Variants in C11orf54 observed in about 807,000 individuals in gnomAD.
The protein encoded by C11orf54 is beta-keto-L-gulonate decarboxylase.
In C11orf54, 29 loss-of-function variants were observed where a neutral mutation model predicts 35.5. The ratio of observed to expected loss-of-function variants is 0.82; its 90% CI spans 0.61 to 1.11. The LOEUF (loss-of-function observed/expected upper bound fraction) is 1.11, where lower values mean the gene tolerates loss of function less well. C11orf54 is among the 50% of genes most tolerant of loss of function. The probability of loss-of-function intolerance (pLI) is 0.00; values close to 1 mark genes in which losing one functional copy is unlikely to be tolerated. For missense variants in C11orf54, 373 were observed against 369.2 expected (o/e 1.01, Z -0.08); for synonymous variants, 108 against 121.1 (o/e 0.89, Z 0.71).
chr11:93,757,891 C>T (rs551989463), intron 7 of C11orf54, among the ~76,000 whole-genome samples: 71 of 152,198 alleles, frequency 4.7e-4, no homozygotes, highest in African/African-American at 1.6e-3. Flanking sequence ...TAAACAAATC[C>T]TTTTTATTAT....
intron 1 of C11orf54, 31 bp from the exon 2 acceptor site, chr11:93,747,260 CTGTTTA>C (rs1258150222): frequency 3.8e-6 from 2 of 523,754 alleles, no homozygotes; most frequent in Non-Finnish European, 6.4e-6. Context: ...CCCTTTTGTT[CTGTTTA>C]TATGTTTGAA....
rs1943549562 is a variant in C11orf54, at chr11:93,763,227, T to C, written c.*1539T>C. On this transcript the variant is annotated 3_prime_UTR_variant, in exon 9 of 9. Transcript: ENST00000354421. ...TGTTCACGACTGTAGCACTAGTGCC[T>C]TTAACTGCTAGCAAAGTAGCCACTC... The C allele has an allele frequency of 6.6e-6, 1 of 152,214 alleles. No homozygotes were observed. The highest frequency in any genetic ancestry group is 1.5e-5 in the Non-Finnish European group (1 of 68,030). 9.4% of individuals were successfully genotyped at this position (152,214 alleles called of 1,614,324 possible).
In C11orf54 at chr11:93,763,819, A is replaced by T. The variant is rs894714603; in HGVS notation, c.*2131A>T. 2.6e-5 allele frequency: 4 copies of T among 152,198 alleles called. No homozygotes were observed. Among genetic ancestry groups the T allele is most frequent in the African/African-American group, 9.7e-5 (4 of 41,432 alleles). The allele number at this position is 152,198 out of a possible 1,614,324, so 9.4% of individuals were successfully genotyped here. The stretch of plus-strand genomic sequence containing the variant: ...ACCAACAGAGTATGAAAGGGTTGTT[A>T]CTCACATAATGAAGCTTTCTGGGGA... On this transcript the variant is annotated 3_prime_UTR_variant, in exon 9 of 9. Coordinates refer to ENST00000354421, the MANE Select transcript of C11orf54 (RefSeq NM_001286069.2).
intron 1 of C11orf54, among the ~76,000 whole-genome samples, chr11:93,742,411 G>A (rs906264564): frequency 6.6e-6 from 1 of 151,958 alleles, no homozygotes; most frequent in Non-Finnish European, 1.5e-5. Flanking sequence ...AGTCTCCCCA[G>A]TAGCTGAGAT....
At chr11:93,742,356 T>C (rs906631001) in intron 1 of C11orf54, among the ~76,000 whole-genome samples, 9 of 151,792 alleles carry the variant, frequency 5.9e-5, no homozygotes, top group Non-Finnish European at 1.0e-4. Context: ...CGATCTTGGC[T>C]CACCGCAACA....
At position 93,763,329 on chromosome 11, in the gene C11orf54, T is replaced by G. The variant is rs896695536; in HGVS notation, c.*1641T>G. On this transcript the variant is annotated 3_prime_UTR_variant, in exon 9 of 9. Coordinates refer to ENST00000354421, the MANE Select transcript of C11orf54 (RefSeq NM_001286069.2). ...AGACAAACAATAAATATATAATATG[T>G]CAGGTGGTATTAAATGCTATGAAAA... The G allele has an allele frequency of 6.6e-6, 1 of 152,162 alleles. No individual in the cohort carries two copies. The highest frequency in any genetic ancestry group is 6.5e-5 in the Admixed American group (1 of 15,276). The allele number at this position is 152,162 out of a possible 1,614,324, so 9.4% of individuals were successfully genotyped here.
At chr11:93,755,717 C>T (rs1943101983) in intron 6 of C11orf54, among the ~76,000 whole-genome samples, 1 of 150,470 alleles carries the variant, frequency 6.6e-6, no homozygotes, top group South Asian at 2.1e-4. Flanking sequence ...CATGCTACTA[C>T]CCTCCAGTCT....
intron 2 of C11orf54, among the ~76,000 whole-genome samples, 173 bp from the exon 3 acceptor site, chr11:93,750,173 A>G (rs1262799272): frequency 6.6e-6 from 1 of 152,206 alleles, no homozygotes; most frequent in East Asian, 1.9e-4. Flanking sequence ...TCTACGTTGT[A>G]TCTTGTGATT....
chr11:93,754,176 T>C, intron 5 of C11orf54, 139 bp downstream of exon 5: 3 of 710,228 alleles, frequency 4.2e-6, no homozygotes, highest in Non-Finnish European at 7.2e-6. Flanking sequence ...TGTAGATTTC[T>C]GCTATAGCAC....
Position 93,761,793 on chromosome 11 carries a change from G to A in C11orf54, c.*105G>A. On this transcript the variant is annotated 3_prime_UTR_variant, in exon 9 of 9. Coordinates refer to ENST00000354421, the MANE Select transcript of C11orf54 (RefSeq NM_001286069.2). Reference sequence around the variant, plus strand: ...CCAATAGAAATGATCCCACAGGCCAGGCACAATGGCTCATGCCTATAATCC... The same window carrying A: ...CCAATAGAAATGATCCCACAGGCCAAGCACAATGGCTCATGCCTATAATCC... 1 of 1,122,004 alleles carries A rather than the reference G, an allele frequency of 8.9e-7. No homozygotes were observed. Among genetic ancestry groups the A allele is most frequent in the Non-Finnish European group, 1.2e-6 (1 of 831,456 alleles). The allele number at this position is 1,122,004 out of a possible 1,614,324, so 69.5% of individuals were successfully genotyped here.
In C11orf54 at chr11:93,761,828, G is replaced by C. The variant is rs1017010663; in HGVS notation, c.*140G>C. 1.4e-5 allele frequency: 11 copies of C among 776,404 alleles called. No individual in the cohort carries two copies. In the African/African-American group the frequency reaches 1.8e-4, roughly 13 times the overall value. 48.1% of individuals were successfully genotyped at this position (776,404 alleles called of 1,614,324 possible). On this transcript the variant is annotated 3_prime_UTR_variant, in exon 9 of 9. Coordinates refer to ENST00000354421, the MANE Select transcript of C11orf54 (RefSeq NM_001286069.2). ...CTCATGCCTATAATCCCAGCACTTT[G>C]GGAGGCTGAGGCAGGAAGCACACTG...
chr11:93,760,716 T>C (rs1406433602), intron 8 of C11orf54, among the ~76,000 whole-genome samples: 1 of 152,126 alleles, frequency 6.6e-6, no homozygotes, highest in African/African-American at 2.4e-5. Flanking sequence ...TGGAGTGCAG[T>C]GATGCAATCT....
rs1942751514 is a variant in C11orf54, at chr11:93,750,378, G to T, written c.88G>T (p.Asp30Tyr). Residue 30 changes from aspartate (D) to tyrosine (Y), a missense_variant, in exon 3 of 9, where the codon GAT (aspartate) becomes TAT (tyrosine). Asp to Tyr is a radical substitution (Grantham distance 160). Transcript: ENST00000354421. Reference protein sequence around the residue: ...MQKGLKDNFADVQVSVVDCPD... With the variant: ...MQKGLKDNFAYVQVSVVDCPD... ...GAAGGGGTTAAAAGATAACTTTGCT[G>T]ATGTCCAGGTCTCTGTAGTTGATTG... 6.8e-6 allele frequency: 11 copies of T among 1,613,654 alleles called. No homozygotes were observed. The highest frequency in any genetic ancestry group is 8.5e-6 in the Non-Finnish European group (10 of 1,179,820).
intron 6 of C11orf54, among the ~76,000 whole-genome samples, chr11:93,755,836 ACAGG>A (rs1464396254): frequency 6.6e-6 from 1 of 151,776 alleles, no homozygotes; most frequent in Non-Finnish European, 1.5e-5. Flanking sequence ...AGAGAGTATG[ACAGG>A]CAGAGCAAAA....
intron 1 of C11orf54, among the ~76,000 whole-genome samples, chr11:93,745,121 T>C (rs1304783668): frequency 1.3e-5 from 2 of 152,222 alleles, no homozygotes; most frequent in Non-Finnish European, 2.9e-5. Flanking sequence ...GGTGGTTTTC[T>C]CCTATCTCAG....
Position 93,762,458 on chromosome 11 carries a change from A to C in C11orf54, c.*770A>C, listed in dbSNP as rs928340556. 1 of 152,156 alleles carries C rather than the reference A, an allele frequency of 6.6e-6. No individual in the cohort carries two copies. The highest frequency in any genetic ancestry group is 2.4e-5 in the African/African-American group (1 of 41,434). 9.4% of individuals were successfully genotyped at this position (152,156 alleles called of 1,614,324 possible). On this transcript the variant is annotated 3_prime_UTR_variant, in exon 9 of 9. Transcript: ENST00000354421. ...CCCTTCTGGTGAAGTTAAACCATAG[A>C]AGTTTACAATTTGCCTTTCACAAAC...
In C11orf54 at chr11:93,753,925, C is replaced by T. The variant is rs1487949382; in HGVS notation, c.229-11C>T. 3.7e-6 allele frequency: 6 copies of T among 1,607,698 alleles called. No homozygotes were observed. The highest frequency in any genetic ancestry group is 4.2e-6 in the Non-Finnish European group (5 of 1,176,776). ...GTTGTGACTTAAATAATATTTTTTC[C>T]TCTTCTATAGGTTTATGATCTGAAT... On this transcript the variant is annotated splice_polypyrimidine_tract_variant and intron_variant, in intron 4 of 8. Transcript: ENST00000354421.
intron 3 of C11orf54, among the ~76,000 whole-genome samples, chr11:93,751,608 G>T (rs1047269120): frequency 1.3e-5 from 2 of 151,542 alleles, no homozygotes; most frequent in African/African-American, 4.8e-5. Context: ...GTTTCACCGT[G>T]TTAGCCAGGA....
chr11:93,749,310 C>G (rs967179974), intron 2 of C11orf54, among the ~76,000 whole-genome samples: 2 of 151,834 alleles, frequency 1.3e-5, no homozygotes, highest in Non-Finnish European at 2.9e-5. Context: ...GCCAAAACCC[C>G]ATTTTTACAG....
Sources: allele counts gnomAD v4.1 joint callset (sites outside exome capture counted in the v4.1 genomes callset), GRCh38; gene constraint gnomAD v4.1.1; transcripts MANE v1.5; gene names NCBI Gene and HGNC (gene_info 2026-07-23, HGNC 2026-07-21).